MTCL2: variants seen among roughly 807,000 people sequenced by gnomAD.
MTCL2 encodes the protein microtubule crosslinking factor 2, also known as microtubule cross-linking factor 2.
At chr20:36,777,631 A>C in the MTCL2 span, 3 of 478,986 alleles carry the variant, frequency 6.3e-6, no homozygotes, top group Non-Finnish European at 7.5e-6. Flanking sequence ...AGTGGAAAGG[A>C]GAGAATAGTG....
chr20:36,798,191 T>TC, the MTCL2 span, among the ~76,000 whole-genome samples: 4 of 152,062 alleles, frequency 2.6e-5, no homozygotes, highest in South Asian at 8.3e-4. Context: ...TGCCTCAGCC[T>TC]CCCGAGTGGC....
the MTCL2 span, among the ~76,000 whole-genome samples, chr20:36,810,987 G>C: frequency 1.3e-5 from 2 of 152,194 alleles, no homozygotes; most frequent in East Asian, 3.9e-4. Flanking sequence ...CTCCCAAAGT[G>C]CTGAAATTAC....
chr20:36,862,610 GACAGCCGGCGACCCCTGCGA>G, the MTCL2 span: 2 of 1,448,376 alleles, frequency 1.4e-6, no homozygotes, highest in Non-Finnish European at 1.8e-6. Context: ...GCGGGACTGT[GACAGCCGGCGACCCCTGCGA>G]CCTCCCTTTC....
the MTCL2 span, among the ~76,000 whole-genome samples, chr20:36,807,416 G>T: frequency 2.0e-4 from 31 of 152,182 alleles, no homozygotes; most frequent in African/African-American, 7.2e-4. Context: ...CCAAGCCTGG[G>T]CTAGACTCGA....
the MTCL2 span, chr20:36,804,762 C>T: frequency 7.4e-6 from 12 of 1,613,818 alleles, no homozygotes; most frequent in Middle Eastern, 1.6e-4. Flanking sequence ...TGAGCTCTGC[C>T]CGCTCTGTCT....
At chr20:36,785,424 A>G in the MTCL2 span, 17 of 985,224 alleles carry the variant, frequency 1.7e-5, no homozygotes, top group Non-Finnish European at 2.0e-5. Context: ...AAATTCAAAT[A>G]AACAATCTAG....
the MTCL2 span, among the ~76,000 whole-genome samples, chr20:36,843,995 T>G: frequency 3.3e-5 from 5 of 152,148 alleles, no homozygotes; most frequent in African/African-American, 1.2e-4. Flanking sequence ...CCCAGCACTT[T>G]GGGAGGCCAA....
chr20:36,836,902 T>C, the MTCL2 span, among the ~76,000 whole-genome samples: 1 of 152,166 alleles, frequency 6.6e-6, no homozygotes, highest in Non-Finnish European at 1.5e-5. Context: ...GCACTCCTGT[T>C]TACCTCCCCT....
chr20:36,822,023 G>A, the MTCL2 span, among the ~76,000 whole-genome samples: 1 of 152,250 alleles, frequency 6.6e-6, no homozygotes. Context: ...GTTGGGGGCA[G>A]AGGAGACGAG....
chr20:36,857,361 T>C, the MTCL2 span, among the ~76,000 whole-genome samples: 3 of 151,874 alleles, frequency 2.0e-5, no homozygotes, highest in Non-Finnish European at 4.4e-5. Flanking sequence ...AGAATGGGAG[T>C]TGTGTGGCTG....
At chr20:36,816,378 T>TGGGGAGCACTATGTGC in the MTCL2 span, 4 of 1,329,490 alleles carry the variant, frequency 3.0e-6, no homozygotes, top group Non-Finnish European at 3.1e-6. Context: ...CATGGCATTT[T>TGGGGAGCACTATGTGC]GGGGAGCACT....
chr20:36,797,686 A>G, the MTCL2 span: 2 of 972,452 alleles, frequency 2.1e-6, no homozygotes, highest in Non-Finnish European at 3.1e-6. Context: ...AACCTACATC[A>G]TGGACAAGGG....
the MTCL2 span, among the ~76,000 whole-genome samples, chr20:36,811,202 C>T: frequency 3.3e-5 from 5 of 152,140 alleles, no homozygotes; most frequent in African/African-American, 1.2e-4. Context: ...GTCTGCTGTC[C>T]CTGGTTTCCT....
chr20:36,803,160 C>T, the MTCL2 span: 1 of 1,541,588 alleles, frequency 6.5e-7, no homozygotes, highest in Non-Finnish European at 8.7e-7. Flanking sequence ...CTCCTCTTGG[C>T]CCTTCTCTCT....
the MTCL2 span, chr20:36,862,574 G>A: frequency 7.7e-7 from 1 of 1,301,714 alleles, no homozygotes; most frequent in South Asian, 1.7e-5. Context: ...TCAGTGGGAA[G>A]GAGGGCCGGC....
chr20:36,841,436 G>A, the MTCL2 span, among the ~76,000 whole-genome samples: 2 of 150,736 alleles, frequency 1.3e-5, no homozygotes, highest in African/African-American at 4.9e-5. Flanking sequence ...GCTATGTTAG[G>A]GGACATGATC....
chr20:36,816,363 C>T, the MTCL2 span: 6 of 1,431,554 alleles, frequency 4.2e-6, no homozygotes, highest in Non-Finnish European at 5.6e-6. Context: ...AGTCTCAGTA[C>T]CAGCCATGGC....
At chr20:36,852,725 G>A in the MTCL2 span, among the ~76,000 whole-genome samples, 4 of 152,240 alleles carry the variant, frequency 2.6e-5, no homozygotes, top group African/African-American at 9.6e-5. Context: ...GCATCCTTGC[G>A]AAGAAGCTAG....
the MTCL2 span, among the ~76,000 whole-genome samples, chr20:36,822,020 G>A: frequency 2.0e-5 from 3 of 152,246 alleles, no homozygotes; most frequent in African/African-American, 4.8e-5. Flanking sequence ...AGGGTTGGGG[G>A]CAGAGGAGAC....
Sources: allele counts gnomAD v4.1 joint callset (sites outside exome capture counted in the v4.1 genomes callset), GRCh38; gene constraint gnomAD v4.1.1; transcripts MANE v1.5; gene names NCBI Gene and HGNC (gene_info 2026-07-23, HGNC 2026-07-21).